Variants in SLC5A5 observed in about 807,000 individuals in gnomAD.
SLC5A5 encodes the protein solute carrier family 5 member 5.
Under a neutral mutation model 68.6 loss-of-function variants are expected in SLC5A5, and 56 were observed. The observed-to-expected ratio is 0.82, with a 90% CI of 0.66 to 1.02. The LOEUF (loss-of-function observed/expected upper bound fraction) is 1.02. SLC5A5 is among the 50% of genes least tolerant of loss of function. SLC5A5 has a pLI of 0.00. For missense variants in SLC5A5, 807 were observed against 859.8 expected (o/e 0.94, Z 0.77); for synonymous variants, 398 against 373.0 (o/e 1.07, Z -0.77).
intron 7 of SLC5A5, among the ~76,000 whole-genome samples, chr19:17,878,438 G>A (rs998517433): frequency 1.3e-5 from 2 of 152,036 alleles, no homozygotes; most frequent in African/African-American, 4.8e-5. Flanking sequence ...CCGGGAGGCG[G>A]AGGTTGCGAT....
At chr19:17,882,517 C>CTT (rs745349830) in intron 10 of SLC5A5, among the ~76,000 whole-genome samples, 2,050 of 128,128 alleles carry the variant, frequency 0.016, 70 homozygotes, top group African/African-American at 0.055. Context: ...TTTCTTTTTT[C>CTT]TTTTTTTTTT....
At chr19:17,881,543 A>G (rs2094320753) in intron 8 of SLC5A5, among the ~76,000 whole-genome samples, 1 of 152,202 alleles carries the variant, frequency 6.6e-6, no homozygotes, top group Non-Finnish European at 1.5e-5. Context: ...CTGAGATTGC[A>G]GGCATGAGCC....
chr19:17,879,904 A>ATT (rs59015155), intron 7 of SLC5A5, among the ~76,000 whole-genome samples: 54 of 146,238 alleles, frequency 3.7e-4, no homozygotes, highest in African/African-American at 8.3e-4. Context: ...TCTTTACACA[A>ATT]TTTTTTTTTT....
chr19:17,891,796 G>A (rs1436208571), intron 14 of SLC5A5, among the ~76,000 whole-genome samples: 3 of 152,148 alleles, frequency 2.0e-5, no homozygotes, highest in Non-Finnish European at 2.9e-5. Context: ...TGCTGTCCCT[G>A]GGGGACCTGA....
At position 17,878,553 on chromosome 19, in the gene SLC5A5, G is replaced by A. The variant is rs113589966; in HGVS notation, c.969+460G>A. 4.1e-3 allele frequency among the ~76,000 whole-genome samples: 627 copies of A among 152,134 alleles called. 2 individuals are homozygous for A. The highest frequency in any genetic ancestry group is 0.014 in the African/African-American group (580 of 41,496). ...AAAGAGTTCAGAGGAGGATCTGCAAGGAATGGGAAAGGTGAGTCTGGGAGG... is the reference window on the plus strand; with the variant it reads ...AAAGAGTTCAGAGGAGGATCTGCAAAGAATGGGAAAGGTGAGTCTGGGAGG... On this transcript the variant is annotated intron_variant, in intron 7 of 14. Transcript: ENST00000222248.
intron 5 of SLC5A5, among the ~76,000 whole-genome samples, chr19:17,876,408 C>A (rs1453565820): frequency 7.8e-6 from 1 of 128,214 alleles, no homozygotes; most frequent in Admixed American, 9.0e-5. Flanking sequence ...GCCTGGATGA[C>A]AGAGCTAGAC....
intron 12 of SLC5A5, among the ~76,000 whole-genome samples, chr19:17,884,456 G>T (rs1440638311): frequency 6.6e-6 from 1 of 151,688 alleles, no homozygotes; most frequent in Non-Finnish European, 1.5e-5. Context: ...TTTTTATTGA[G>T]ATAAATTAGC....
chr19:17,892,652 C>CAGAG (rs58081153), intron 14 of SLC5A5, among the ~76,000 whole-genome samples: 10,896 of 97,212 alleles, frequency 0.11, 1,051 homozygotes, highest in Non-Finnish European at 0.14. Context: ...AAAGAAAAGA[C>CAGAG]AGAGAGAGAG....
At chr19:17,889,873 A>C (rs1040724214) in intron 13 of SLC5A5, among the ~76,000 whole-genome samples, 1 of 152,194 alleles carries the variant, frequency 6.6e-6, no homozygotes, top group African/African-American at 2.4e-5. Context: ...TTCCACGGAA[A>C]AGTAGAAGGA....
At chr19:17,878,139 G>T in intron 7 of SLC5A5, 46 bp downstream of exon 7, 2 of 1,598,268 alleles carry the variant, frequency 1.3e-6, no homozygotes, top group Non-Finnish European at 1.7e-6. Flanking sequence ...TCCCTCACTA[G>T]CTTGGTGGGA....
In SLC5A5 at chr19:17,890,913, C is replaced by T. The variant is rs777997097; in HGVS notation, c.1679C>T (p.Pro560Leu). 11 of 1,613,828 alleles carry T rather than the reference C, an allele frequency of 6.8e-6. No individual in the cohort carries two copies. Among genetic ancestry groups the T allele is most frequent in the Middle Eastern group, 1.7e-4 (1 of 6,034 alleles). ...CCCACCAAGCGCAGCACCCTGGCCC[C>T]GGGATTGTTGTGGTGGGACCTCGCA... ...TGPTKRSTLA[P>L]GLLWWDLARQ... Residue 560 changes from proline (P) to leucine (L), a missense_variant, in exon 14 of 15, where the codon CCG becomes CTG. By Grantham distance (98) the Pro-to-Leu change is moderately conservative. Transcript: ENST00000222248.
intron 4 of SLC5A5, 112 bp downstream of exon 4, chr19:17,874,843 A>G (rs947308635): frequency 2.0e-6 from 2 of 978,876 alleles, no homozygotes; most frequent in Middle Eastern, 2.2e-4. Context: ...CCCAGCTGGG[A>G]CCCAGTGTCC....
In SLC5A5 at chr19:17,874,236, G is replaced by GCGT. The variant is rs540508019; in HGVS notation, c.423+34_423+35insGTC. ...GCCTCGGCCCCGCCCTCCGCTCAGG[G>GCGT]CCCCGAGAGCGTCAGCCTTCACTAG... On this transcript the variant is annotated intron_variant, in intron 2 of 14. Coordinates refer to ENST00000222248, the MANE Select transcript of SLC5A5 (RefSeq NM_000453.3). The GCGT allele has an allele frequency of 1.3e-4, 194 of 1,496,078 alleles. 1 individual carries two copies. The South Asian group carries it at 2.1e-3, about 16-fold the overall frequency. The allele number at this position is 1,496,078 out of a possible 1,614,324, so 92.7% of individuals were successfully genotyped here. A position where few individuals can be genotyped will look rare whatever the true frequency, so the allele number is the denominator to read the frequency against.
chr19:17,892,994 C>T (rs1435061037), intron 14 of SLC5A5, among the ~76,000 whole-genome samples: 1 of 141,274 alleles, frequency 7.1e-6, no homozygotes, highest in African/African-American at 2.6e-5. Flanking sequence ...TTTCCTTTCT[C>T]TTCTTTTCTT....
intron 12 of SLC5A5, 51 bp downstream of exon 12, chr19:17,884,097 T>C (rs1332068262): frequency 2.1e-6 from 3 of 1,445,692 alleles, no homozygotes; most frequent in African/African-American, 2.8e-5. Flanking sequence ...TGGTGTGATC[T>C]TGAAGGGAAA....
intron 5 of SLC5A5, 34 bp downstream of exon 5, chr19:17,876,140 TG>T: frequency 6.2e-7 from 1 of 1,611,776 alleles, no homozygotes; most frequent in East Asian, 2.2e-5. Context: ...TCCAGCAGGA[TG>T]GGGCTGGGAC....
chr19:17,871,997 C>A lies in SLC5A5; in HGVS notation c.-323C>A. Reference sequence around the variant, plus strand: ...AGCTGTCAGCGCTGAGCACAGCGCCCAGGGAGAGGGACAGACAGCCGGCTG... The same window carrying A: ...AGCTGTCAGCGCTGAGCACAGCGCCAAGGGAGAGGGACAGACAGCCGGCTG... On this transcript the variant is annotated 5_prime_UTR_variant, in exon 1 of 15. Coordinates refer to ENST00000222248, the MANE Select transcript of SLC5A5 (RefSeq NM_000453.3). The A allele has an allele frequency of 2.6e-6, 1 of 383,016 alleles. No individual in the cohort carries two copies. Among genetic ancestry groups the A allele is most frequent in the Non-Finnish European group, 4.8e-6 (1 of 209,970 alleles). The allele number at this position is 383,016 out of a possible 1,614,324, so 23.7% of individuals were successfully genotyped here.
intron 13 of SLC5A5, among the ~76,000 whole-genome samples, chr19:17,889,413 A>AGAAAGAAGGAAGGAAGGAAGGAAGGAAG (rs1555754784): frequency 7.3e-6 from 1 of 137,608 alleles, no homozygotes; most frequent in African/African-American, 3.1e-5. Flanking sequence ...AAAGAAAGAA[A>AGAAAGAAGGAAGGAAGGAAGGAAGGAAG]GAAGGAAGGA....
chr19:17,883,843 C>A lies in SLC5A5; in HGVS notation c.1330-7C>A. On this transcript the variant is annotated splice_polypyrimidine_tract_variant and splice_region_variant and intron_variant, in intron 11 of 14. Coordinates refer to ENST00000222248, the MANE Select transcript of SLC5A5 (RefSeq NM_000453.3). ...CTCCCCTTCCCTGACGCCGGCTCTG[C>A]CCCCAGGGCGTCCTCGCGGGACTAG... 1 of 1,601,380 alleles carries A rather than the reference C, an allele frequency of 6.2e-7. No individual in the cohort carries two copies. The highest frequency in any genetic ancestry group is 8.5e-7 in the Non-Finnish European group (1 of 1,174,872).
Sources: allele counts gnomAD v4.1 joint callset (sites outside exome capture counted in the v4.1 genomes callset), GRCh38; gene constraint gnomAD v4.1.1; transcripts MANE v1.5; gene names NCBI Gene and HGNC (gene_info 2026-07-23, HGNC 2026-07-21).